MECOM: variants seen among roughly 807,000 people sequenced by gnomAD.
MECOM encodes the protein MDS1 and EVI1 complex locus.
In MECOM, 13 loss-of-function variants were observed where a neutral mutation model predicts 116.3. The ratio of observed to expected loss-of-function variants is 0.11; its 90% CI spans 0.07 to 0.18. The LOEUF is 0.18. Ranked by LOEUF, MECOM falls within the 10% of genes least tolerant of loss-of-function variation. The pLI, the probability that MECOM is intolerant of heterozygous loss-of-function variation, is 1.00. For missense variants in MECOM, 1,299 were observed against 1,509.0 expected (o/e 0.86, Z 2.31); for synonymous variants, 528 against 535.2 (o/e 0.99, Z 0.19).
intron 1 of MECOM, among the ~76,000 whole-genome samples, chr3:169,587,693 G>T (rs1475334025): frequency 2.0e-5 from 3 of 152,132 alleles, no homozygotes; most frequent in Admixed American, 6.5e-5. Context: ...AAGGACAAAA[G>T]ATAGTTTCCA....
chr3:169,614,482 G>A (rs931488887), intron 1 of MECOM, among the ~76,000 whole-genome samples: 2 of 152,062 alleles, frequency 1.3e-5, no homozygotes, highest in African/African-American at 4.8e-5. Context: ...TTAAACAAAA[G>A]GCTGGTTATT....
chr3:169,366,851 C>T (rs1729245983), intron 2 of MECOM, among the ~76,000 whole-genome samples: 3 of 152,026 alleles, frequency 2.0e-5, no homozygotes, highest in South Asian at 2.1e-4. Flanking sequence ...CACAAAGCAT[C>T]CATCTCCCAT....
In MECOM at chr3:169,116,154, A is replaced by T. The variant is rs1374268742; in HGVS notation, c.1718T>A (p.Ile573Asn). 2.5e-6 allele frequency: 4 copies of T among 1,613,750 alleles called. No individual in the cohort carries two copies. Among genetic ancestry groups the T allele is most frequent in the Non-Finnish European group, 3.4e-6 (4 of 1,179,986 alleles). The change falls in exon 8 of 17, where the codon ATC becomes AAC. Residue 573 changes from isoleucine to asparagine, a missense_variant. Coordinates refer to ENST00000651503, the MANE Select transcript of MECOM (RefSeq NM_004991.4). ...GTCACTACTCTCTGACTGGTCACTG[A>T]TTTTCTCAAAGGGCCTCTCTTCAGA... The part of the protein sequence containing the change: ...RSSEERPFEK[I>N]SDQSESSDLD...
At chr3:169,097,876 GGTATTTATCTTTCTGAAGA>G (rs1181659799) in intron 12 of MECOM, among the ~76,000 whole-genome samples, 2 of 146,176 alleles carry the variant, frequency 1.4e-5, no homozygotes, top group African/African-American at 2.5e-5. Context: ...GTGGTCTACT[GGTATTTATCTTTCTGAAGA>G]GATAATTTTC....
At chr3:169,451,288 C>T (rs891392999) in intron 1 of MECOM, among the ~76,000 whole-genome samples, 2 of 150,054 alleles carry the variant, frequency 1.3e-5, no homozygotes, top group Admixed American at 6.7e-5. Flanking sequence ...TTCACAAGTG[C>T]GCAGCATCTT....
rs144774582 is a variant in MECOM, at chr3:169,394,080, T to C, written c.38-12556A>G. 1.8e-3 allele frequency among the ~76,000 whole-genome samples: 268 copies of C among 152,262 alleles called. 4 individuals carry two copies. The highest frequency in any genetic ancestry group is 0.015 in the East Asian group (77 of 5,188). Reference sequence around the variant, plus strand: ...TAGAATACACAATAATTTAACAGGCTTTTGCTATTGTTGCTTTGTTGTTTT... The same window carrying C: ...TAGAATACACAATAATTTAACAGGCCTTTGCTATTGTTGCTTTGTTGTTTT... On this transcript the variant is annotated intron_variant, in intron 1 of 16. Coordinates refer to ENST00000651503, the MANE Select transcript of MECOM (RefSeq NM_004991.4).
intron 1 of MECOM, among the ~76,000 whole-genome samples, chr3:169,498,196 T>C (rs1425167099): frequency 6.6e-6 from 1 of 151,004 alleles, no homozygotes; most frequent in Non-Finnish European, 1.5e-5. Context: ...TATTATATCT[T>C]AAATTAATAA....
chr3:169,401,724 C>T (rs866498403), intron 1 of MECOM, among the ~76,000 whole-genome samples: 53 of 152,068 alleles, frequency 3.5e-4, no homozygotes, highest in African/African-American at 1.3e-3. Context: ...AAAAAAGACC[C>T]TACTAGAAAG....
At chr3:169,490,732 A>T (rs1016948633) in intron 1 of MECOM, among the ~76,000 whole-genome samples, 3 of 152,222 alleles carry the variant, frequency 2.0e-5, no homozygotes, top group African/African-American at 7.2e-5. Flanking sequence ...TTTAGGATAT[A>T]GGAGAAGAGT....
At chr3:169,410,732 A>G (rs1560237054) in intron 1 of MECOM, among the ~76,000 whole-genome samples, 1 of 152,164 alleles carries the variant, frequency 6.6e-6, no homozygotes, top group Non-Finnish European at 1.5e-5. Flanking sequence ...ATTGACGCCT[A>G]TCAAAACACA....
chr3:169,223,316 T>C (rs976602574), intron 2 of MECOM, among the ~76,000 whole-genome samples: 2 of 113,314 alleles, frequency 1.8e-5, no homozygotes, highest in Non-Finnish European at 3.4e-5. Context: ...CCCCATTGTG[T>C]GATGTTCCCC....
intron 16 of MECOM, chr3:169,086,456 C>T (rs1717774871): frequency 1.5e-6 from 1 of 648,636 alleles, no homozygotes; most frequent in Non-Finnish European, 2.8e-6. Flanking sequence ...AAAAGGAGTA[C>T]AAAGAAAATT....
At chr3:169,129,779 T>A (rs78135184) in intron 4 of MECOM, among the ~76,000 whole-genome samples, 4,190 of 152,268 alleles carry the variant, frequency 0.028, 198 homozygotes, top group African/African-American at 0.097. Context: ...GGTTGAATGC[T>A]GACCTCACCA....
chr3:169,195,882 A>G (rs1748350636), intron 2 of MECOM, among the ~76,000 whole-genome samples: 1 of 152,016 alleles, frequency 6.6e-6, no homozygotes, highest in South Asian at 2.1e-4. Context: ...ATTCAACTCA[A>G]ATTCTGCTTG....
At chr3:169,422,680 T>C (rs1470511120) in intron 1 of MECOM, among the ~76,000 whole-genome samples, 1 of 152,062 alleles carries the variant, frequency 6.6e-6, no homozygotes, top group African/African-American at 2.4e-5. Context: ...GCCTTAAGAA[T>C]TAAATTTGGC....
At chr3:169,486,017 T>TA (rs1560341532) in intron 1 of MECOM, among the ~76,000 whole-genome samples, 1 of 111,714 alleles carries the variant, frequency 9.0e-6, no homozygotes, top group East Asian at 2.8e-4. Context: ...TATATATATA[T>TA]GTATATATAG....
intron 1 of MECOM, among the ~76,000 whole-genome samples, chr3:169,421,655 C>A (rs2108508624): frequency 6.6e-6 from 1 of 151,192 alleles, no homozygotes; most frequent in East Asian, 1.9e-4. Flanking sequence ...CTGTGGTTGG[C>A]AAACCAATCA....
At chr3:169,496,543 C>A (rs949112087) in intron 1 of MECOM, among the ~76,000 whole-genome samples, 1 of 152,154 alleles carries the variant, frequency 6.6e-6, no homozygotes, top group Non-Finnish European at 1.5e-5. Context: ...TTGCTCTTCC[C>A]AAGGGTTATC....
chr3:169,175,831 A>G (rs1382571849), intron 2 of MECOM, among the ~76,000 whole-genome samples: 2 of 152,134 alleles, frequency 1.3e-5, no homozygotes, highest in Non-Finnish European at 2.9e-5. Flanking sequence ...TCTTCCTTCT[A>G]TGGCAGACCC....
Sources: allele counts gnomAD v4.1 joint callset (sites outside exome capture counted in the v4.1 genomes callset), GRCh38; gene constraint gnomAD v4.1.1; transcripts MANE v1.5; gene names NCBI Gene and HGNC (gene_info 2026-07-23, HGNC 2026-07-21).